Variants in MYMX observed in about 807,000 individuals in gnomAD.
MYMX encodes the protein protein myomixer.
At chr6:44,207,934 G>T in the MYMX span, among the ~76,000 whole-genome samples, 2 of 151,198 alleles carry the variant, frequency 1.3e-5, no homozygotes, top group Non-Finnish European at 3.0e-5. Flanking sequence ...TACTATTTGA[G>T]AAAAAAAAAT....
chr6:44,204,747 T>C, the MYMX span, among the ~76,000 whole-genome samples: 3 of 152,166 alleles, frequency 2.0e-5, no homozygotes, highest in Non-Finnish European at 2.9e-5. Flanking sequence ...CAAACCCCTA[T>C]TGTGTAGCTC....
At chr6:44,204,919 A>G in the MYMX span, among the ~76,000 whole-genome samples, 1 of 152,300 alleles carries the variant, frequency 6.6e-6, no homozygotes, top group South Asian at 2.1e-4. Context: ...GGGTACCAAG[A>G]AGCAATATTT....
chr6:44,210,283 G>A, the MYMX span, among the ~76,000 whole-genome samples: 1 of 148,438 alleles, frequency 6.7e-6, no homozygotes, highest in Non-Finnish European at 1.5e-5. Context: ...GTTTTGTTTT[G>A]TTTTGTTTTG....
chr6:44,200,814 G>T, the MYMX span, among the ~76,000 whole-genome samples: 1 of 152,122 alleles, frequency 6.6e-6, no homozygotes, highest in Admixed American at 6.5e-5. Flanking sequence ...GCCAGAGAGG[G>T]TAGGGCCCCC....
the MYMX span, among the ~76,000 whole-genome samples, chr6:44,204,776 T>C: frequency 6.6e-6 from 1 of 152,256 alleles, no homozygotes; most frequent in Non-Finnish European, 1.5e-5. Flanking sequence ...ACATAAGCCT[T>C]AATTTTTGGG....
At chr6:44,209,138 A>G in the MYMX span, among the ~76,000 whole-genome samples, 1 of 152,132 alleles carries the variant, frequency 6.6e-6, no homozygotes, top group Admixed American at 6.5e-5. Context: ...TAATTTTTGT[A>G]TTTTTGGTAG....
chr6:44,204,180 C>T, the MYMX span, among the ~76,000 whole-genome samples: 2 of 151,948 alleles, frequency 1.3e-5, no homozygotes, highest in Non-Finnish European at 2.9e-5. Flanking sequence ...AGGCAGATAA[C>T]CAACAAGATA....
At chr6:44,196,637 T>G in the MYMX span, among the ~76,000 whole-genome samples, 2 of 151,976 alleles carry the variant, frequency 1.3e-5, no homozygotes, top group East Asian at 1.9e-4. Flanking sequence ...TACTCCAGCC[T>G]GGGCTACAGA....
chr6:44,194,175 G>T, the MYMX span, among the ~76,000 whole-genome samples: 2 of 152,198 alleles, frequency 1.3e-5, no homozygotes, highest in African/African-American at 4.8e-5. Context: ...AACGACATCT[G>T]TTGTCATAAT....
the MYMX span, among the ~76,000 whole-genome samples, chr6:44,204,021 G>C: frequency 6.6e-6 from 1 of 151,918 alleles, no homozygotes; most frequent in Non-Finnish European, 1.5e-5. Context: ...CTAATTTTTT[G>C]TATTTTTAAT....
chr6:44,196,365 C>G, the MYMX span, among the ~76,000 whole-genome samples: 1 of 152,178 alleles, frequency 6.6e-6, no homozygotes, highest in Non-Finnish European at 1.5e-5. Flanking sequence ...AAATTGCCCT[C>G]TGAAATCATT....
At chr6:44,204,591 G>A in the MYMX span, among the ~76,000 whole-genome samples, 1 of 152,120 alleles carries the variant, frequency 6.6e-6, no homozygotes, top group African/African-American at 2.4e-5. Context: ...AAATTTTCAC[G>A]GGAGAGGGTA....
chr6:44,196,904 G>A, the MYMX span, among the ~76,000 whole-genome samples: 1 of 152,128 alleles, frequency 6.6e-6, no homozygotes, highest in Non-Finnish European at 1.5e-5. Context: ...GTTGCAGTGA[G>A]CTGAGATGGC....
chr6:44,213,433 T>C (rs886817047), upstream of MYMX, among the ~76,000 whole-genome samples: 1 of 143,836 alleles, frequency 7.0e-6, no homozygotes, highest in Admixed American at 6.7e-5. Context: ...CTTTACCTTT[T>C]TTTTTTCAGA....
the MYMX span, among the ~76,000 whole-genome samples, chr6:44,206,661 G>A: frequency 3.3e-5 from 5 of 152,206 alleles, no homozygotes; most frequent in East Asian, 9.6e-4. Context: ...TTGCCTCCTG[G>A]GGATAGTCAT....
the MYMX span, among the ~76,000 whole-genome samples, chr6:44,197,459 G>A: frequency 1.3e-5 from 2 of 152,208 alleles, no homozygotes; most frequent in Non-Finnish European, 2.9e-5. Context: ...CTTGAACCCA[G>A]GAGGCGGAGG....
the MYMX span, among the ~76,000 whole-genome samples, chr6:44,211,688 GCTTACTGCAA>G: frequency 8.8e-5 from 13 of 147,484 alleles, no homozygotes; most frequent in Non-Finnish European, 1.8e-4. Context: ...TGTGATCTCT[GCTTACTGCAA>G]CTTCTGCCTC....
At chr6:44,202,055 T>C in the MYMX span, among the ~76,000 whole-genome samples, 161 of 151,982 alleles carry the variant, frequency 1.1e-3, 1 homozygote, top group Middle Eastern at 0.024. Flanking sequence ...CTTGAGCGCC[T>C]GGGTGGAGAC....
the MYMX span, among the ~76,000 whole-genome samples, chr6:44,193,541 A>C: frequency 6.6e-6 from 1 of 152,342 alleles, no homozygotes; most frequent in Non-Finnish European, 1.5e-5. Context: ...TGGGCAGCAT[A>C]GCTCCACAGT....
Sources: allele counts gnomAD v4.1 joint callset (sites outside exome capture counted in the v4.1 genomes callset), GRCh38; gene constraint gnomAD v4.1.1; transcripts MANE v1.5; gene names NCBI Gene and HGNC (gene_info 2026-07-23, HGNC 2026-07-21).